The following THSD7A variants were observed in gnomAD, a reference collection of about 807,000 sequenced individuals.
THSD7A encodes the protein thrombospondin type 1 domain containing 7A.
THSD7A carries 96 observed loss-of-function variants against 231.3 expected under a neutral mutation model. The ratio of observed to expected loss-of-function variants is 0.41; its 90% CI spans 0.35 to 0.49. THSD7A has a LOEUF of 0.49. Among genes scored for constraint, THSD7A ranks in the 20% least tolerant of loss-of-function variants. The pLI is 0.05. For missense variants in THSD7A, 2,290 were observed against 2,070.2 expected (o/e 1.11, Z -2.06); for synonymous variants, 940 against 743.3 (o/e 1.26, Z -4.30).
chr7:11,677,219 A>G (rs1008294198), intron 1 of THSD7A, among the ~76,000 whole-genome samples: 1 of 152,154 alleles, frequency 6.6e-6, no homozygotes, highest in South Asian at 2.1e-4. Context: ...GAAAATGCTG[A>G]GGGATTTTGT....
intron 1 of THSD7A, among the ~76,000 whole-genome samples, chr7:11,727,227 C>T (rs1372899645): frequency 6.6e-6 from 1 of 151,908 alleles, no homozygotes; most frequent in Admixed American, 6.6e-5. Flanking sequence ...GCCAGTATCA[C>T]CAGGTATTCA....
chr7:11,558,247 A>G (rs181791457), intron 4 of THSD7A, among the ~76,000 whole-genome samples: 1 of 152,288 alleles, frequency 6.6e-6, no homozygotes, highest in Non-Finnish European at 1.5e-5. Context: ...TTTGTTTTCT[A>G]TACAACTTCC....
chr7:11,439,344 C>T (rs914774132), intron 13 of THSD7A, among the ~76,000 whole-genome samples: 8 of 152,004 alleles, frequency 5.3e-5, no homozygotes. Flanking sequence ...GACAATCTTG[C>T]ATTGAGCAAA....
At chr7:11,438,917 T>G (rs1784716525) in intron 13 of THSD7A, among the ~76,000 whole-genome samples, 1 of 152,076 alleles carries the variant, frequency 6.6e-6, no homozygotes, top group Admixed American at 6.6e-5. Context: ...TTTTTCTTCC[T>G]CAATACTTTG....
intron 15 of THSD7A, 73 bp from the exon 16 acceptor site, chr7:11,424,902 C>T (rs1784269132): frequency 1.3e-6 from 2 of 1,562,880 alleles, no homozygotes; most frequent in Non-Finnish European, 1.7e-6. Context: ...CACACCATAA[C>T]AGCAATCATT....
At chr7:11,459,199 CT>C (rs373608337) in intron 11 of THSD7A, among the ~76,000 whole-genome samples, 4 of 151,006 alleles carry the variant, frequency 2.6e-5, no homozygotes, top group South Asian at 2.1e-4. Context: ...CCAAACCCCT[CT>C]TTTTTTTTAA....
chr7:11,724,753 A>C (rs1156966333), intron 1 of THSD7A, among the ~76,000 whole-genome samples: 3 of 151,960 alleles, frequency 2.0e-5, no homozygotes, highest in Non-Finnish European at 4.4e-5. Context: ...CCACCATTAC[A>C]TATACCAGAA....
At chr7:11,552,966 TTCTC>T (rs886381209) in intron 4 of THSD7A, among the ~76,000 whole-genome samples, 1 of 152,036 alleles carries the variant, frequency 6.6e-6, no homozygotes, top group Non-Finnish European at 1.5e-5. Context: ...TCAGACACCC[TTCTC>T]TCTCTCTAGA....
chr7:11,524,248 G>A (rs1348113418), intron 6 of THSD7A, among the ~76,000 whole-genome samples: 1 of 152,066 alleles, frequency 6.6e-6, no homozygotes, highest in Non-Finnish European at 1.5e-5. Context: ...GACAGGTCCA[G>A]GGTGCCCTTA....
intron 11 of THSD7A, among the ~76,000 whole-genome samples, chr7:11,458,937 A>G (rs879513743): frequency 6.6e-6 from 1 of 152,184 alleles, no homozygotes; most frequent in Non-Finnish European, 1.5e-5. Flanking sequence ...CAACTACTCT[A>G]AGGCTTTTGT....
At chr7:11,410,737 T>G (rs1352411731) in intron 19 of THSD7A, among the ~76,000 whole-genome samples, 1 of 152,092 alleles carries the variant, frequency 6.6e-6, no homozygotes, top group Non-Finnish European at 1.5e-5. Context: ...GGCTTTCACT[T>G]AATCAGACCT....
chr7:11,654,687 T>G (rs1328359392), intron 1 of THSD7A, among the ~76,000 whole-genome samples: 1 of 151,940 alleles, frequency 6.6e-6, no homozygotes, highest in Non-Finnish European at 1.5e-5. Flanking sequence ...ATATTAGTAT[T>G]GGTTTATGTG....
intron 1 of THSD7A, among the ~76,000 whole-genome samples, chr7:11,700,286 T>C (rs1013153452): frequency 6.6e-6 from 1 of 151,216 alleles, no homozygotes; most frequent in African/African-American, 2.4e-5. Context: ...TGTACACTTT[T>C]ACTCTACAAT....
chr7:11,426,547 G>T, intron 15 of THSD7A, 119 bp downstream of exon 15: 1 of 1,106,938 alleles, frequency 9.0e-7, no homozygotes, highest in Non-Finnish European at 1.2e-6. Flanking sequence ...TGGAAAATAT[G>T]ACATTTTCTC....
In THSD7A at chr7:11,370,943, G is replaced by A. The variant is rs1423176000; in HGVS notation, c.*4851C>T. Reference sequence around the variant, plus strand: ...CTGAAAAATAGGGAAAAGTTTACTTGAGGGTTAAAAGTAGGTAATCTAGAA... The same window carrying A: ...CTGAAAAATAGGGAAAAGTTTACTTAAGGGTTAAAAGTAGGTAATCTAGAA... On this transcript the variant is annotated 3_prime_UTR_variant, in exon 28 of 28. Transcript: ENST00000423059. 6.6e-6 allele frequency: 1 copy of A among 152,088 alleles called. No homozygotes were observed. The highest frequency in any genetic ancestry group is 1.5e-5 in the Non-Finnish European group (1 of 67,992). The allele number at this position is 152,088 out of a possible 1,614,324, so 9.4% of individuals were successfully genotyped here.
chr7:11,787,800 G>A (rs1219954207), intron 1 of THSD7A, among the ~76,000 whole-genome samples: 3 of 152,036 alleles, frequency 2.0e-5, no homozygotes, highest in Admixed American at 2.0e-4. Flanking sequence ...CTTTGCTGGT[G>A]GGAATGCAAT....
chr7:11,581,574 A>G (rs888250670), intron 4 of THSD7A, among the ~76,000 whole-genome samples: 1 of 152,082 alleles, frequency 6.6e-6, no homozygotes, highest in Non-Finnish European at 1.5e-5. Context: ...CTATCCTTCA[A>G]TTTTAGAAGT....
intron 11 of THSD7A, among the ~76,000 whole-genome samples, chr7:11,460,284 G>A (rs982616528): frequency 1.3e-4 from 20 of 152,064 alleles, no homozygotes; most frequent in African/African-American, 9.7e-5. Flanking sequence ...AATGCATATA[G>A]GCAAGGAGGT....
At chr7:11,804,590 A>G (rs369630164) in intron 1 of THSD7A, among the ~76,000 whole-genome samples, 47 of 152,318 alleles carry the variant, frequency 3.1e-4, no homozygotes, top group African/African-American at 1.1e-3. Flanking sequence ...TCCAATCTGC[A>G]TGGGTTACAT....
Sources: gnomAD v4.1 joint callset for allele counts (sites outside exome capture counted in the v4.1 genomes callset) on GRCh38, gnomAD v4.1.1 for gene constraint, MANE v1.5 for transcripts, NCBI Gene and HGNC (gene_info 2026-07-23, HGNC 2026-07-21) for gene names.